ZFHX3: variants seen among roughly 807,000 people sequenced by gnomAD.
ZFHX3 encodes the protein zinc finger homeobox 3.
A neutral mutation model predicts 279.1 loss-of-function variants in ZFHX3; 42 were observed. That is an observed-to-expected ratio of 0.15 (90% CI 0.12 to 0.19). The LOEUF is 0.19. Among genes scored for constraint, ZFHX3 ranks in the 10% least tolerant of loss-of-function variants. The pLI, the probability that ZFHX3 is intolerant of heterozygous loss-of-function variation, is 1.00. For synonymous variants in ZFHX3, 2,293 were observed against 1,957.8 expected (o/e 1.17, Z -4.52); for missense variants, 4,981 against 4,754.0 (o/e 1.05, Z -1.40).
Position 73,191,609 on chromosome 16 carries a change from C to G in ZFHX3, c.-1103-47778G>C, listed in dbSNP as rs554881064. Among the ~76,000 whole-genome samples the G allele has an allele frequency of 1.1e-4, 17 of 152,326 alleles. No homozygotes were observed. In the East Asian group the frequency reaches 3.3e-3, roughly 29 times the overall value. On this transcript the variant is annotated intron_variant, in intron 5 of 17. Transcript: ENST00000641206. The stretch of plus-strand genomic sequence containing the variant: ...CCCCTCCCGTTTGGTCACCTCCATC[C>G]TACTCGATTTTTCCCCCCAGATTCT...
intron 1 of ZFHX3, among the ~76,000 whole-genome samples, chr16:73,710,974 T>C (rs2053356999): frequency 6.6e-6 from 1 of 152,232 alleles, no homozygotes; most frequent in African/African-American, 2.4e-5. Flanking sequence ...AGGGACTGGC[T>C]GTAAATTACT....
At chr16:73,178,571 T>C (rs1967718034) in intron 5 of ZFHX3, among the ~76,000 whole-genome samples, 1 of 152,238 alleles carries the variant, frequency 6.6e-6, no homozygotes, top group African/African-American at 2.4e-5. Flanking sequence ...TCCTTCACTC[T>C]CTAGCATTCT....
chr16:72,909,931 C>A (rs2039277032), intron 3 of ZFHX3, among the ~76,000 whole-genome samples: 1 of 147,738 alleles, frequency 6.8e-6, no homozygotes. Context: ...ACTTCATATG[C>A]AAATAAGCTG....
At chr16:73,108,249 G>C (rs1375155801) in intron 7 of ZFHX3, among the ~76,000 whole-genome samples, 1 of 151,936 alleles carries the variant, frequency 6.6e-6, no homozygotes, top group Non-Finnish European at 1.5e-5. Context: ...TGGGAGGATT[G>C]CTTGGGCCTG....
intron 2 of ZFHX3, among the ~76,000 whole-genome samples, chr16:73,530,685 AG>A (rs2019784490): frequency 6.6e-6 from 1 of 152,160 alleles, no homozygotes; most frequent in Non-Finnish European, 1.5e-5. Flanking sequence ...GATTAAGAAA[AG>A]CTCATTACAC....
At position 73,507,485 on chromosome 16, in the gene ZFHX3, C is replaced by CTTTTTTTTTTT. The variant is rs752001880; in HGVS notation, c.-1546-51238_-1546-51228dup. Reference sequence around the variant, plus strand: ...AAATGCGTGAAATTCAGCTCTGCCACTTTTTTTTTTTTTTTTTTTTTTTTT... The same window carrying CTTTTTTTTTTT: ...AAATGCGTGAAATTCAGCTCTGCCACTTTTTTTTTTTTTTTTTTTTTTTTTTTTTTTTTTTT... On this transcript the variant is annotated intron_variant, in intron 2 of 17. Coordinates refer to the ZFHX3 transcript ENST00000641206. Among the ~76,000 whole-genome samples, 206 of 79,786 alleles carry CTTTTTTTTTTT rather than the reference C, an allele frequency of 2.6e-3. 15 individuals carry two copies. Among genetic ancestry groups the CTTTTTTTTTTT allele is most frequent in the East Asian group, 9.9e-3 (17 of 1,722 alleles). The allele number at this position is 79,786 out of a possible 152,430, so 52.3% of individuals were successfully genotyped here.
At chr16:73,155,257 C>A (rs1296718177) in intron 5 of ZFHX3, among the ~76,000 whole-genome samples, 1 of 150,936 alleles carries the variant, frequency 6.6e-6, no homozygotes, top group African/African-American at 2.4e-5. Flanking sequence ...TGAATAGTTT[C>A]ACTTGATCTA....
intron 1 of ZFHX3, among the ~76,000 whole-genome samples, chr16:73,018,148 G>A (rs1964171435): frequency 1.3e-5 from 2 of 151,636 alleles, no homozygotes; most frequent in South Asian, 4.2e-4. Context: ...ATCACACCCG[G>A]CTAATTTTGC....
chr16:72,891,645 G>GGA (rs1249379505), intron 3 of ZFHX3, among the ~76,000 whole-genome samples: 3 of 152,154 alleles, frequency 2.0e-5, no homozygotes, highest in Non-Finnish European at 4.4e-5. Context: ...TTAGTTAGGG[G>GGA]GAGAGAGAGA....
intron 3 of ZFHX3, among the ~76,000 whole-genome samples, chr16:73,319,924 G>A (rs141650854): frequency 1.3e-4 from 20 of 152,298 alleles, no homozygotes; most frequent in African/African-American, 4.8e-4. Context: ...TTGTTCACAT[G>A]GCAACATACC....
intron 1 of ZFHX3, among the ~76,000 whole-genome samples, chr16:72,962,589 C>G (rs1597024502): frequency 6.6e-6 from 1 of 152,216 alleles, no homozygotes; most frequent in Admixed American, 6.5e-5. Context: ...CAAACAGGCC[C>G]GTTTGCAGCC....
chr16:73,740,904 C>T (rs1186600394), intron 1 of ZFHX3, among the ~76,000 whole-genome samples: 1 of 152,148 alleles, frequency 6.6e-6, no homozygotes, highest in Non-Finnish European at 1.5e-5. Flanking sequence ...AGGTTACCTC[C>T]TCATATACCC....
chr16:73,668,347 G>T lies in ZFHX3; in HGVS notation c.-1547+11833C>A, dbSNP rs556931341. 4.0e-5 allele frequency among the ~76,000 whole-genome samples: 6 copies of T among 151,734 alleles called. No individual in the cohort carries two copies. The East Asian group carries it at 1.2e-3, about 29-fold the overall frequency. On this transcript the variant is annotated intron_variant, in intron 2 of 17. Coordinates refer to the ZFHX3 transcript ENST00000641206. ...ATACTTTAAGTTCTGGGATACATGTGCAGAACGTGCAGGTTTGTTACATAG... is the reference window on the plus strand; with the variant it reads ...ATACTTTAAGTTCTGGGATACATGTTCAGAACGTGCAGGTTTGTTACATAG...
intron 8 of ZFHX3, among the ~76,000 whole-genome samples, chr16:73,066,877 A>G (rs1965762217): frequency 6.6e-6 from 1 of 151,748 alleles, no homozygotes; most frequent in African/African-American, 2.4e-5. Flanking sequence ...TCCTCCCCCC[A>G]GCCCCGCGGG....
chr16:73,554,591 A>G (rs1166084650), intron 2 of ZFHX3: 1 of 152,182 alleles, frequency 6.6e-6, no homozygotes, highest in Non-Finnish European at 1.5e-5. Context: ...TCATTTTTAA[A>G]TATTAGTTAT....
At position 72,785,856 on chromosome 16, in the gene ZFHX3, A is replaced by C. The variant is rs2035347150; in HGVS notation, c.*1308T>G. 1 of 152,202 alleles carries C rather than the reference A, an allele frequency of 6.6e-6. No individual in the cohort carries two copies. Among genetic ancestry groups the C allele is most frequent in the South Asian group, 2.1e-4 (1 of 4,830 alleles). 9.4% of individuals were successfully genotyped at this position (152,202 alleles called of 1,614,324 possible). A position where few individuals can be genotyped will look rare whatever the true frequency, so the allele number is the denominator to read the frequency against. Reference sequence around the variant, plus strand: ...CCAAAAGAAGGATAAATAAAAAATAAATGCACAAAGCTAACAGACACAGGT... The same window carrying C: ...CCAAAAGAAGGATAAATAAAAAATACATGCACAAAGCTAACAGACACAGGT... On this transcript the variant is annotated 3_prime_UTR_variant, in exon 10 of 10. Coordinates refer to ENST00000268489, the MANE Select transcript of ZFHX3 (RefSeq NM_006885.4).
At chr16:73,020,397 A>C (rs75049468) in intron 1 of ZFHX3, among the ~76,000 whole-genome samples, 1 of 149,886 alleles carries the variant, frequency 6.7e-6, no homozygotes, top group African/African-American at 2.5e-5. Context: ...CTCACAAGAA[A>C]TTTCCCAACA....
rs142565994 is a variant in ZFHX3, at chr16:72,922,832, C to T, written c.3216+27637G>A. Among the ~76,000 whole-genome samples, 19 of 152,206 alleles carry T rather than the reference C, an allele frequency of 1.2e-4. No homozygotes were observed. The East Asian group carries it at 3.5e-3, about 28-fold the overall frequency. ...GCAAACACCTTCACTTTACAGCTGA[C>T]GTTACAGGGTCTGAGGCTGATACCT... On this transcript the variant is annotated intron_variant, in intron 3 of 9. Coordinates refer to ENST00000268489, the MANE Select transcript of ZFHX3 (RefSeq NM_006885.4).
At chr16:73,422,556 C>A (rs1459740381) in intron 3 of ZFHX3, among the ~76,000 whole-genome samples, 1 of 152,204 alleles carries the variant, frequency 6.6e-6, no homozygotes, top group East Asian at 1.9e-4. Context: ...CTCCCCAAAG[C>A]AACTTTCCCT....
Sources: allele counts gnomAD v4.1 joint callset (sites outside exome capture counted in the v4.1 genomes callset), GRCh38; gene constraint gnomAD v4.1.1; transcripts MANE v1.5; gene names NCBI Gene and HGNC (gene_info 2026-07-23, HGNC 2026-07-21).